WWTR1: variants seen among roughly 807,000 people sequenced by gnomAD.
WWTR1 encodes WW domain containing transcription regulator 1, also known as WW domain-containing transcription regulator protein 1.
A neutral mutation model predicts 40.1 loss-of-function variants in WWTR1; 13 were observed. The observed-to-expected ratio is 0.32, with a 90% confidence interval of 0.21 to 0.52. The LOEUF is 0.52. Among genes scored for constraint, WWTR1 ranks in the 20% least tolerant of loss-of-function variants. The pLI is 0.97. For missense variants in WWTR1, 436 were observed against 523.1 expected (o/e 0.83, Z 1.63); for synonymous variants, 230 against 210.1 (o/e 1.09, Z -0.82).
At chr3:149,609,149 A>G (rs1739620704) in intron 2 of WWTR1, among the ~76,000 whole-genome samples, 1 of 152,184 alleles carries the variant, frequency 6.6e-6, no homozygotes, top group Admixed American at 6.5e-5. Context: ...CAACTTCATC[A>G]TGTACCAGAT....
rs5853428 is a variant in WWTR1, at chr3:149,610,979, C to CAA, written c.432-37981_432-37980dup. On this transcript the variant is annotated intron_variant, in intron 2 of 6. Transcript: ENST00000360632. ...GCAGTGAACCAAGACCCCATCTGTA[C>CAA]AAAAAAAAAAAATTTTTTTTAAATT... Among the ~76,000 whole-genome samples, 73 of 143,504 alleles carry CAA rather than the reference C, an allele frequency of 5.1e-4. 1 individual carries two copies. In the East Asian group the frequency reaches 0.01, roughly 20 times the overall value. 94.1% of individuals were successfully genotyped at this position (143,504 alleles called of 152,430 possible). A position where few individuals can be genotyped will look rare whatever the true frequency, so the allele number is the denominator to read the frequency against.
chr3:149,654,792 G>A (rs781379003), intron 2 of WWTR1, among the ~76,000 whole-genome samples: 16 of 152,008 alleles, frequency 1.1e-4, no homozygotes, highest in African/African-American at 1.7e-4. Flanking sequence ...TATACCATAC[G>A]TATGTGTGTA....
intron 2 of WWTR1, among the ~76,000 whole-genome samples, chr3:149,655,645 C>A (rs79544342): frequency 0.086 from 13,127 of 152,064 alleles, 1,459 homozygotes; most frequent in African/African-American, 0.26. Flanking sequence ...TCAGAAACAA[C>A]AAAAGAACTC....
At chr3:149,665,287 G>T (rs549906844) in intron 2 of WWTR1, among the ~76,000 whole-genome samples, 47 of 148,202 alleles carry the variant, frequency 3.2e-4, no homozygotes, top group African/African-American at 1.1e-3. Flanking sequence ...GTGCAGTGGC[G>T]TCATCTTGGC....
At chr3:149,588,541 C>G (rs1432190041) in intron 2 of WWTR1, among the ~76,000 whole-genome samples, 2 of 152,066 alleles carry the variant, frequency 1.3e-5, no homozygotes, top group African/African-American at 4.8e-5. Context: ...GAAGACTGAA[C>G]AGACATGATA....
At chr3:149,643,289 A>T (rs544682258) in intron 2 of WWTR1, among the ~76,000 whole-genome samples, 10 of 152,228 alleles carry the variant, frequency 6.6e-5, no homozygotes, top group African/African-American at 2.4e-4. Context: ...GGAACCATAA[A>T]TTTTTTACTG....
chr3:149,702,788 C>T (rs893924938), intron 1 of WWTR1: 2 of 152,152 alleles, frequency 1.3e-5, no homozygotes, highest in African/African-American at 2.4e-5. Flanking sequence ...TTAGTTTTGA[C>T]TATTGCTTAC....
At chr3:149,528,056 A>C (rs1735412226) in intron 4 of WWTR1, 87 bp from the exon 5 acceptor site, 1 of 1,495,848 alleles carries the variant, frequency 6.7e-7, no homozygotes, top group Non-Finnish European at 9.0e-7. Flanking sequence ...CTTTTCACCA[A>C]ATACAAAGCA....
chr3:149,574,039 T>C (rs1737768801), intron 2 of WWTR1, among the ~76,000 whole-genome samples: 1 of 152,110 alleles, frequency 6.6e-6, no homozygotes, highest in Non-Finnish European at 1.5e-5. Flanking sequence ...TCCTTCTTTT[T>C]TGTTTTTTCG....
intron 4 of WWTR1, among the ~76,000 whole-genome samples, chr3:149,534,043 G>A (rs1411809017): frequency 6.6e-6 from 1 of 152,170 alleles, no homozygotes; most frequent in Non-Finnish European, 1.5e-5. Flanking sequence ...GGTGGCATGT[G>A]CCTGTAGTCC....
Position 149,672,626 on chromosome 3 carries a change from TTAA to T in WWTR1, c.-107-2738_-107-2736del, listed in dbSNP as rs542925791. ...AAACATTTTATTAGAGATATAGTTCTTAATAAGATGAATGGGACTATTTTCAAT... is the reference window on the plus strand; with the variant it reads ...AAACATTTTATTAGAGATATAGTTCTTAAGATGAATGGGACTATTTTCAAT... On this transcript the variant is annotated intron_variant, in intron 1 of 7. Coordinates refer to the WWTR1 transcript ENST00000465804. Among the ~76,000 whole-genome samples the T allele has an allele frequency of 5.5e-3, 831 of 152,240 alleles. 6 individuals carry two copies. Among genetic ancestry groups the T allele is most frequent in the African/African-American group, 0.017 (706 of 41,550 alleles).
In WWTR1 at chr3:149,625,108, T is replaced by TC. The variant is rs1281150503; in HGVS notation, c.431+31767_431+31768insG. On this transcript the variant is annotated intron_variant, in intron 2 of 6. Coordinates refer to ENST00000360632, the MANE Select transcript of WWTR1 (RefSeq NM_015472.6). ...AAATAGACAACTCTACCCTTTTTTT[T>TC]TTTTTTTTTTTTGGTTTTTTTGGTT... Among the ~76,000 whole-genome samples the TC allele has an allele frequency of 2.0e-5, 3 of 150,162 alleles. No individual in the cohort carries two copies. The East Asian group carries it at 5.9e-4, about 30-fold the overall frequency.
chr3:149,603,854 CAAAAA>C lies in WWTR1; in HGVS notation c.432-30859_432-30855del, dbSNP rs370980729. On this transcript the variant is annotated intron_variant, in intron 2 of 6. Coordinates refer to ENST00000360632, the MANE Select transcript of WWTR1 (RefSeq NM_015472.6). ...TACTGGTGCTACATAAGCGGCATAC[CAAAAA>C]AAAAAAAAAAAAAAAGCATGTGAAG... Among the ~76,000 whole-genome samples the C allele has an allele frequency of 3.5e-4, 29 of 83,288 alleles. No individual in the cohort carries two copies. In the East Asian group the frequency reaches 4.4e-3, roughly 13 times the overall value. 54.6% of individuals were successfully genotyped at this position (83,288 alleles called of 152,430 possible).
At chr3:149,528,113 T>C (rs1416145502) in intron 4 of WWTR1, 144 bp from the exon 5 acceptor site, 2 of 1,073,862 alleles carry the variant, frequency 1.9e-6, no homozygotes, top group South Asian at 1.7e-5. Flanking sequence ...CAACCATTAG[T>C]ATTCTTTCTC....
chr3:149,687,833 T>C (rs1163737803), intron 1 of WWTR1, among the ~76,000 whole-genome samples: 3 of 152,096 alleles, frequency 2.0e-5, no homozygotes, highest in Non-Finnish European at 4.4e-5. Context: ...AGCTCCTGGA[T>C]GGCATTTGTA....
intron 2 of WWTR1, among the ~76,000 whole-genome samples, chr3:149,651,992 AT>A (rs368845286): frequency 0.17 from 15,551 of 93,160 alleles, 711 homozygotes; most frequent in Non-Finnish European, 0.22. Flanking sequence ...CGCCCGGCTA[AT>A]TTTTTTTTTT....
At chr3:149,636,353 T>C (rs76114255) in intron 2 of WWTR1, among the ~76,000 whole-genome samples, 4,389 of 152,242 alleles carry the variant, frequency 0.029, 197 homozygotes, top group African/African-American at 0.1. Flanking sequence ...TTCAGCTCCA[T>C]TGGGAAAGGT....
intron 3 of WWTR1, among the ~76,000 whole-genome samples, chr3:149,553,458 C>A (rs1197608964): frequency 6.6e-6 from 1 of 151,996 alleles, no homozygotes; most frequent in Admixed American, 6.6e-5. Flanking sequence ...TTTGATGACA[C>A]CATTTGTGTG....
intron 4 of WWTR1, among the ~76,000 whole-genome samples, chr3:149,535,496 G>A (rs1735785761): frequency 1.3e-5 from 2 of 152,058 alleles, no homozygotes; most frequent in Non-Finnish European, 2.9e-5. Context: ...CTAATGCTCA[G>A]CTGCCAGACT....
Sources: allele counts gnomAD v4.1 joint callset (sites outside exome capture counted in the v4.1 genomes callset), GRCh38; gene constraint gnomAD v4.1.1; transcripts MANE v1.5; gene names NCBI Gene and HGNC (gene_info 2026-07-23, HGNC 2026-07-21).